LDAH: variants seen among roughly 807,000 people sequenced by gnomAD.
LDAH encodes the protein lipid droplet-associated hydrolase.
Under a neutral mutation model 29.6 loss-of-function variants are expected in LDAH, and 26 were observed. The observed-to-expected ratio is 0.88, with a 90% CI of 0.64 to 1.22. LDAH has a LOEUF of 1.22. Ranked by LOEUF, LDAH falls within the 50% of genes most tolerant of loss-of-function variation. The probability of loss-of-function intolerance (pLI) is 0.00; values close to 1 mark genes in which losing one functional copy is unlikely to be tolerated. For missense variants in LDAH, 344 were observed against 387.3 expected (o/e 0.89, Z 0.94); for synonymous variants, 117 against 133.0 (o/e 0.88, Z 0.83).
At chr2:20,765,280 C>A (rs1393762690) in intron 4 of LDAH, among the ~76,000 whole-genome samples, 1 of 152,186 alleles carries the variant, frequency 6.6e-6, no homozygotes, top group African/African-American at 2.4e-5. Context: ...AAAAAGTTCC[C>A]TTGACCAGCT....
chr2:20,710,241 G>C lies in LDAH; in HGVS notation c.704-8589C>G, dbSNP rs148582220. Among the ~76,000 whole-genome samples the C allele has an allele frequency of 3.1e-4, 47 of 152,232 alleles. 1 individual carries two copies. In the East Asian group the frequency reaches 4.2e-3, roughly 14 times the overall value. On this transcript the variant is annotated intron_variant, in intron 5 of 6. Coordinates refer to ENST00000237822, the MANE Select transcript of LDAH (RefSeq NM_021925.4). ...TTAAGATATTACAAATATCAGGAAA[G>C]AGAGAGGTGACATCTCTGCAGATTC...
chr2:20,789,494 G>C (rs1322150303), intron 3 of LDAH, among the ~76,000 whole-genome samples: 3 of 152,158 alleles, frequency 2.0e-5, no homozygotes, highest in African/African-American at 7.2e-5. Context: ...AACTGACTAA[G>C]ACACATGCCT....
chr2:20,773,098 A>C (rs1669545253), intron 4 of LDAH, among the ~76,000 whole-genome samples: 1 of 152,172 alleles, frequency 6.6e-6, no homozygotes, highest in Admixed American at 6.5e-5. Flanking sequence ...TAACCTAATG[A>C]CTGAGACAAT....
intron 4 of LDAH, among the ~76,000 whole-genome samples, chr2:20,759,926 A>G (rs1356645437): frequency 6.6e-6 from 1 of 152,170 alleles, no homozygotes; most frequent in Non-Finnish European, 1.5e-5. Context: ...ATATCCTACC[A>G]CTATTAACCT....
Position 20,685,120 on chromosome 2 carries a change from ATGAG to A in LDAH, c.*1779_*1782del. On this transcript the variant is annotated 3_prime_UTR_variant, in exon 7 of 7. Coordinates refer to ENST00000237822, the MANE Select transcript of LDAH (RefSeq NM_021925.4). ...TTCAGATGATAAATAGGAATTAAGAATGAGTATCTTTCTTAGGCTCTAAAAACCA... is the reference window on the plus strand; with the variant it reads ...TTCAGATGATAAATAGGAATTAAGAATATCTTTCTTAGGCTCTAAAAACCA... 1.5e-6 allele frequency: 1 copy of A among 658,292 alleles called. No individual in the cohort carries two copies. The highest frequency in any genetic ancestry group is 2.3e-6 in the Non-Finnish European group (1 of 427,596). The allele number at this position is 658,292 out of a possible 1,614,324, so 40.8% of individuals were successfully genotyped here.
chr2:20,802,306 C>T (rs1027368859), intron 1 of LDAH, among the ~76,000 whole-genome samples: 2 of 152,070 alleles, frequency 1.3e-5, no homozygotes, highest in Admixed American at 1.3e-4. Context: ...ATAATCCACC[C>T]ACCTCGGCCT....
At chr2:20,806,990 A>G (rs1439345350) in intron 1 of LDAH, among the ~76,000 whole-genome samples, 4 of 151,956 alleles carry the variant, frequency 2.6e-5, no homozygotes, top group Non-Finnish European at 5.9e-5. Flanking sequence ...TAGCAAACCC[A>G]AAAGTTTTTA....
At chr2:20,732,626 T>C (rs146670259) in intron 5 of LDAH, among the ~76,000 whole-genome samples, 1 of 152,252 alleles carries the variant, frequency 6.6e-6, no homozygotes, top group African/African-American at 2.4e-5. Context: ...GTGTCCACAT[T>C]TGAAGAATTG....
intron 4 of LDAH, among the ~76,000 whole-genome samples, chr2:20,767,399 G>T (rs935391880): frequency 1.3e-5 from 2 of 152,226 alleles, no homozygotes; most frequent in African/African-American, 4.8e-5. Flanking sequence ...GCCAAGCCTG[G>T]TCACTGTCAC....
chr2:20,688,800 T>C (rs1455551047), intron 6 of LDAH, among the ~76,000 whole-genome samples: 2 of 150,694 alleles, frequency 1.3e-5, no homozygotes, highest in Non-Finnish European at 3.0e-5. Flanking sequence ...AGTGGCAGAC[T>C]TACTCTGAAT....
Position 20,685,867 on chromosome 2 carries a change from C to A in LDAH, c.*1036G>T. On this transcript the variant is annotated 3_prime_UTR_variant, in exon 7 of 7. Transcript: ENST00000237822. ...GTTTGGTTCATTAACAAAATAATTT[C>A]TTTCCAGCAAATGAAGTTAATGCAG... 2 of 483,974 alleles carry A rather than the reference C, an allele frequency of 4.1e-6. No individual in the cohort carries two copies. Among genetic ancestry groups the A allele is most frequent in the Non-Finnish European group, 6.8e-6 (2 of 292,662 alleles). The allele number at this position is 483,974 out of a possible 1,614,324, so 30.0% of individuals were successfully genotyped here.
intron 5 of LDAH, among the ~76,000 whole-genome samples, chr2:20,722,577 T>C (rs1347939163): frequency 6.6e-6 from 1 of 152,068 alleles, no homozygotes; most frequent in Non-Finnish European, 1.5e-5. Context: ...TATTTCAAAA[T>C]AGCTAGAAGA....
At chr2:20,776,560 C>T (rs1318275924) in intron 3 of LDAH, among the ~76,000 whole-genome samples, 1 of 152,168 alleles carries the variant, frequency 6.6e-6, no homozygotes, top group Non-Finnish European at 1.5e-5. Flanking sequence ...ACATGTTATG[C>T]TCTCACTCTT....
chr2:20,759,516 G>A (rs553917212), intron 4 of LDAH, among the ~76,000 whole-genome samples: 1 of 152,070 alleles, frequency 6.6e-6, no homozygotes. Context: ...ATTGTTCACA[G>A]ATTTTCCATA....
chr2:20,778,302 C>T (rs1305324560), intron 3 of LDAH, among the ~76,000 whole-genome samples: 1 of 152,156 alleles, frequency 6.6e-6, no homozygotes, highest in East Asian at 1.9e-4. Flanking sequence ...GCTCACCTAA[C>T]GGTTCTAGAG....
chr2:20,822,871 C>T (rs1331250118), intron 1 of LDAH, among the ~76,000 whole-genome samples, 166 bp downstream of exon 1: 3 of 152,220 alleles, frequency 2.0e-5, no homozygotes, highest in African/African-American at 7.2e-5. Context: ...GCTCCGAACT[C>T]GCGAGCTGTC....
At chr2:20,778,247 C>G (rs573926358) in intron 3 of LDAH, among the ~76,000 whole-genome samples, 33 of 152,258 alleles carry the variant, frequency 2.2e-4, no homozygotes, top group African/African-American at 7.9e-4. Flanking sequence ...CTCTTAGAAC[C>G]TGAGCCTATT....
At chr2:20,688,814 T>C (rs924622295) in intron 6 of LDAH, among the ~76,000 whole-genome samples, 2 of 148,798 alleles carry the variant, frequency 1.3e-5, no homozygotes, top group African/African-American at 4.9e-5. Context: ...TCTGAATTGC[T>C]TCATGGAGGT....
downstream of LDAH, among the ~76,000 whole-genome samples, chr2:20,683,190 G>C (rs1454851618): frequency 3.3e-5 from 5 of 152,154 alleles, no homozygotes; most frequent in African/African-American, 1.2e-4. Flanking sequence ...TGGTGGGAGA[G>C]GCCAGACCCA....
Sources: gnomAD v4.1 joint callset for allele counts (sites outside exome capture counted in the v4.1 genomes callset) on GRCh38, gnomAD v4.1.1 for gene constraint, MANE v1.5 for transcripts, NCBI Gene and HGNC (gene_info 2026-07-23, HGNC 2026-07-21) for gene names.